Variants in ABCB10 observed in about 807,000 individuals in gnomAD.
ABCB10 encodes the protein ATP-binding cassette sub-family B member 10, mitochondrial.
ABCB10 carries 54 observed loss-of-function variants against 65.4 expected under a neutral mutation model. The observed-to-expected ratio is 0.83, with a 90% CI of 0.66 to 1.04. ABCB10 has a LOEUF of 1.04. Ranked by LOEUF, ABCB10 falls within the 50% of genes least tolerant of loss-of-function variation. The pLI is 0.00. For missense variants in ABCB10, 846 were observed against 976.6 expected, an observed-to-expected ratio of 0.87 and a Z score of 1.78; for synonymous variants, 418 against 406.5, an observed-to-expected ratio of 1.03 and a Z score of -0.34.
In ABCB10 at chr1:229,518,360, A is replaced by T; in HGVS notation, c.2036T>A (p.Leu679Gln). The change falls in exon 13 of 13, where the codon CTG becomes CAG. Residue 679 changes from leucine to glutamine, a missense_variant. By Grantham distance (113) the Leu-to-Gln change is moderately radical. This residue lies in a region of ABCB10 where 632 missense variants were observed against 803.2 expected (regional missense o/e 0.79). Coordinates refer to ENST00000344517, the MANE Select transcript of ABCB10 (RefSeq NM_012089.3). ...EYLVQEALDR[L>Q]MDGRTVLVIA... is the part of the protein sequence containing the mutation. ...AACTAACACCGTTCTTCCATCCATCAGTCGATCTAGAGCTTCTTGAACAAG... is the reference window on the plus strand; with the variant it reads ...AACTAACACCGTTCTTCCATCCATCTGTCGATCTAGAGCTTCTTGAACAAG... The T allele has an allele frequency of 6.2e-7, 1 of 1,614,252 alleles. No individual in the cohort carries two copies. The highest frequency in any genetic ancestry group is 8.5e-7 in the Non-Finnish European group (1 of 1,180,046).
At chr1:229,538,231 T>A (rs113541170) in intron 6 of ABCB10, among the ~76,000 whole-genome samples, 1 of 152,188 alleles carries the variant, frequency 6.6e-6, no homozygotes, top group Non-Finnish European at 1.5e-5. Flanking sequence ...GAGAGGGCAA[T>A]AGAACAACCA....
Position 229,558,403 on chromosome 1 carries a change from G to A in ABCB10, c.250C>T (p.Leu84=). The change falls in exon 1 of 13, where the codon CTG becomes TTG. Residue 84 remains leucine, a synonymous_variant. Transcript: ENST00000344517. ...GGGPGASRGV[L]GLARLLGLWA... ...AGCCCCAGGAGCCGCGCGAGGCCCAGGACGCCCCGCGAGGCGCCCGGACCC... is the reference window on the plus strand; with the variant it reads ...AGCCCCAGGAGCCGCGCGAGGCCCAAGACGCCCCGCGAGGCGCCCGGACCC... The A allele has an allele frequency of 8.3e-7, 1 of 1,206,732 alleles. No individual in the cohort carries two copies. The highest frequency in any genetic ancestry group is 1.0e-6 in the Non-Finnish European group (1 of 972,190). The allele number at this position is 1,206,732 out of a possible 1,614,324, so 74.8% of individuals were successfully genotyped here.
chr1:229,530,292 G>T lies in ABCB10; in HGVS notation c.1552C>A (p.Pro518Thr). ...PIFQDFSLSIPSGSVTALVGP... is the reference protein window; with the variant it reads ...PIFQDFSLSITSGSVTALVGP... ...ACCAGTGCCGTGACAGATCCTGACG[G>T]AATGGAAAGGCTGAAATCCTGAAAT... The change falls in exon 8 of 13, where the codon CCG becomes ACG. Residue 518 changes from proline to threonine, a missense_variant. Around this residue, in one of 2 missense-constraint regions of ABCB10, gnomAD observed 632 missense variants for 803.2 expected, o/e 0.79. Transcript: ENST00000344517. 1.2e-6 allele frequency: 2 copies of T among 1,614,194 alleles called. No homozygotes were observed. The highest frequency in any genetic ancestry group is 2.7e-5 in the African/African-American group (2 of 75,050).
chr1:229,546,222 AATAAAT>A (rs1490978975), intron 3 of ABCB10, among the ~76,000 whole-genome samples: 1 of 151,826 alleles, frequency 6.6e-6, no homozygotes, highest in East Asian at 1.9e-4. Context: ...CTTAATAAAT[AATAAAT>A]ATATTTTACC....
intron 11 of ABCB10, among the ~76,000 whole-genome samples, chr1:229,519,517 G>A (rs952095805): frequency 6.6e-6 from 1 of 152,216 alleles, no homozygotes; most frequent in African/African-American, 2.4e-5. Flanking sequence ...GCCGGACGTG[G>A]TGGCTCACGA....
At chr1:229,557,705 T>G (rs1362288560) in intron 1 of ABCB10, among the ~76,000 whole-genome samples, 1 of 152,120 alleles carries the variant, frequency 6.6e-6, no homozygotes, top group Admixed American at 6.5e-5. Flanking sequence ...ACAGACTCGC[T>G]TGAAGCAAAT....
chr1:229,531,836 GTTA>G (rs1558122268), intron 6 of ABCB10, 105 bp from the exon 7 acceptor site: 2 of 797,976 alleles, frequency 2.5e-6, no homozygotes, highest in Non-Finnish European at 1.8e-6. Flanking sequence ...TATAAAATCT[GTTA>G]TTAATATTTT....
At chr1:229,528,996 A>G (rs1375348244) in intron 8 of ABCB10, among the ~76,000 whole-genome samples, 1 of 152,184 alleles carries the variant, frequency 6.6e-6, no homozygotes, top group Non-Finnish European at 1.5e-5. Flanking sequence ...AAAATCATCC[A>G]TTAAGAAAAT....
rs535357474 is a variant in ABCB10 at position 229,531,866 on chromosome 1, G to A, written c.1340-135C>T. On this transcript the variant is annotated intron_variant, in intron 6 of 12. Coordinates refer to ENST00000344517, the MANE Select transcript of ABCB10 (RefSeq NM_012089.3). The stretch of plus-strand genomic sequence containing the variant: ...TAATATTTTCAAAAAACAACTTGAG[G>A]CAGCTTCCTGGGAACTGATACTCAG... The A allele has an allele frequency of 6.8e-6, 4 of 585,674 alleles. No homozygotes were observed. The Admixed American group carries it at 1.1e-4, about 17-fold the overall frequency. 36.3% of individuals were successfully genotyped at this position (585,674 alleles called of 1,614,324 possible).
At chr1:229,550,390 T>A (rs1226750249) in intron 1 of ABCB10, among the ~76,000 whole-genome samples, 1 of 151,508 alleles carries the variant, frequency 6.6e-6, no homozygotes, top group Admixed American at 6.6e-5. Flanking sequence ...GCCAGGGTGG[T>A]AGCATGCACC....
At chr1:229,530,845 T>C (rs1041260206) in intron 7 of ABCB10, among the ~76,000 whole-genome samples, 1 of 152,174 alleles carries the variant, frequency 6.6e-6, no homozygotes, top group Admixed American at 6.5e-5. Context: ...ATAAATATTT[T>C]GGAAGAGTTA....
intron 1 of ABCB10, among the ~76,000 whole-genome samples, chr1:229,556,173 C>T (rs373259799): frequency 5.3e-5 from 8 of 152,214 alleles, no homozygotes; most frequent in South Asian, 2.1e-4. Context: ...GTCGGGAGTT[C>T]GAGACCACCC....
At chr1:229,525,787 G>A in intron 10 of ABCB10, 149 bp downstream of exon 10, 1 of 895,806 alleles carries the variant, frequency 1.1e-6, no homozygotes. Flanking sequence ...AGCCGAGATT[G>A]CGCCACTGCC....
At chr1:229,518,712 A>G in intron 12 of ABCB10, 129 bp downstream of exon 12, 2 of 840,744 alleles carry the variant, frequency 2.4e-6, no homozygotes, top group South Asian at 3.7e-5. Flanking sequence ...AGCTTCCCTC[A>G]CTTTAGAGTA....
At chr1:229,525,885 A>G (rs748823304) in intron 10 of ABCB10, 51 bp downstream of exon 10, 5 of 1,542,848 alleles carry the variant, frequency 3.2e-6, no homozygotes. Flanking sequence ...GAAACATGTG[A>G]AAAGTTCTTT....
chr1:229,523,189 TGGG>T (rs1662357431), intron 10 of ABCB10, among the ~76,000 whole-genome samples: 1 of 152,188 alleles, frequency 6.6e-6, no homozygotes, highest in African/African-American at 2.4e-5. Context: ...TGGGAGAAGG[TGGG>T]ATGGAGTGGA....
chr1:229,522,154 C>A (rs559199456), intron 10 of ABCB10, among the ~76,000 whole-genome samples: 1 of 151,894 alleles, frequency 6.6e-6, no homozygotes, highest in South Asian at 2.1e-4. Context: ...CCACAGTGCC[C>A]GGCCAATACC....
chr1:229,558,386 G>T lies in ABCB10; in HGVS notation c.267C>A (p.Leu89=). 8.1e-7 allele frequency: 1 copy of T among 1,241,858 alleles called. No individual in the cohort carries two copies. The highest frequency in any genetic ancestry group is 1.0e-6 in the Non-Finnish European group (1 of 984,956). The allele number at this position is 1,241,858 out of a possible 1,614,324, so 76.9% of individuals were successfully genotyped here. The change falls in exon 1 of 13, where the codon CTC becomes CTA. Residue 89 remains leucine, a synonymous_variant. Coordinates refer to ENST00000344517, the MANE Select transcript of ABCB10 (RefSeq NM_012089.3). ...CGGGGCCGCGAGCCCACAGCCCCAG[G>T]AGCCGCGCGAGGCCCAGGACGCCCC... is the stretch of plus-strand genomic sequence containing the variant. ...ASRGVLGLAR[L]LGLWARGPGS...
chr1:229,538,874 G>T (rs1662778703), intron 6 of ABCB10, among the ~76,000 whole-genome samples: 1 of 152,148 alleles, frequency 6.6e-6, no homozygotes, highest in African/African-American at 2.4e-5. Flanking sequence ...GAAATCATTT[G>T]TCCCAAGTTG....
Sources: gnomAD v4.1 joint callset for allele counts (sites outside exome capture counted in the v4.1 genomes callset) on GRCh38, gnomAD v4.1.1 for gene constraint, gnomAD v4.1.1 regional missense constraint, MANE v1.5 for transcripts, NCBI Gene and HGNC (gene_info 2026-07-23, HGNC 2026-07-21) for gene names.